IL1RAPL1: variants seen among roughly 807,000 people sequenced by gnomAD.
IL1RAPL1 encodes the protein interleukin-1 receptor accessory protein-like 1.
A neutral mutation model predicts 48.4 loss-of-function variants in IL1RAPL1; 3 were observed. The ratio of observed to expected loss-of-function variants is 0.06; its 90% confidence interval spans 0.03 to 0.16. IL1RAPL1 has a LOEUF of 0.16. IL1RAPL1 is among the 10% of genes least tolerant of loss of function. The pLI is 1.00. For missense variants in IL1RAPL1, 349 were observed against 530.6 expected, an observed-to-expected ratio of 0.66 and a Z score of 3.36; for synonymous variants, 185 against 187.7, an observed-to-expected ratio of 0.99 and a Z score of 0.12.
At chrX:29,613,518 A>G (rs759214539) in intron 5 of IL1RAPL1, among the ~76,000 whole-genome samples, 4 of 111,177 alleles carry the variant, frequency 3.6e-5, no homozygotes, top group Non-Finnish European at 5.7e-5. Flanking sequence ...AAGCTCCTTA[A>G]TGTCTTAATT....
At chrX:29,913,890 A>G (rs763399000) in intron 6 of IL1RAPL1, among the ~76,000 whole-genome samples, 35 of 91,432 alleles carry the variant, frequency 3.8e-4, no homozygotes, top group African/African-American at 1.4e-3. Flanking sequence ...TCTTCCCTCT[A>G]CTTGCCCCTC....
chrX:28,694,026 C>A (rs1341763015), intron 1 of IL1RAPL1, among the ~76,000 whole-genome samples: 1 of 111,778 alleles, frequency 8.9e-6, no homozygotes, highest in Non-Finnish European at 1.9e-5. Flanking sequence ...TGCCCAGTTA[C>A]ACTTGTCGAA....
intron 5 of IL1RAPL1, among the ~76,000 whole-genome samples, chrX:29,434,245 A>G (rs1194411982): frequency 9.1e-6 from 1 of 110,342 alleles, no homozygotes; most frequent in Non-Finnish European, 1.9e-5. Context: ...CTTCTGCTCT[A>G]TAGACTTTGA....
intron 2 of IL1RAPL1, among the ~76,000 whole-genome samples, chrX:28,862,721 A>G (rs764398413): frequency 1.8e-4 from 20 of 112,151 alleles, no homozygotes; most frequent in African/African-American, 6.5e-4. Context: ...TGTTTTGTAC[A>G]TTTCAGTGTC....
intron 5 of IL1RAPL1, among the ~76,000 whole-genome samples, chrX:29,482,650 A>T (rs1292774322): frequency 8.9e-6 from 1 of 112,337 alleles, no homozygotes; most frequent in East Asian, 2.8e-4. Context: ...ATAGAATTTC[A>T]TTTTGTGGAT....
intron 2 of IL1RAPL1, among the ~76,000 whole-genome samples, chrX:28,886,087 T>C (rs774402094): frequency 1.8e-5 from 2 of 110,542 alleles, no homozygotes; most frequent in Non-Finnish European, 3.8e-5. Context: ...CTGCCTAAAA[T>C]ACAGGAAATG....
Position 29,679,074 on chromosome X carries a change from G to T in IL1RAPL1, c.778+10570G>T, listed in dbSNP as rs1926373361. ...TATAGAATGGCGGCTCTTTGAGTAG[G>T]AAAAAAGCAAAGCAGAATGCATTGC... On this transcript the variant is annotated intron_variant, in intron 6 of 10. Transcript: ENST00000378993. Among the ~76,000 whole-genome samples, 2 of 111,258 alleles carry T rather than the reference G, an allele frequency of 1.8e-5. 1 individual carries two copies. The highest frequency in any genetic ancestry group is 7.6e-4 in the South Asian group (2 of 2,649).
chrX:28,938,491 C>T (rs1007583040), intron 2 of IL1RAPL1, among the ~76,000 whole-genome samples: 1 of 111,122 alleles, frequency 9.0e-6, no homozygotes, highest in Non-Finnish European at 1.9e-5. Context: ...GAAACTGGAC[C>T]CCCTCCTTAT....
At chrX:29,789,869 C>A (rs563606225) in intron 6 of IL1RAPL1, among the ~76,000 whole-genome samples, 71 of 107,464 alleles carry the variant, frequency 6.6e-4, no homozygotes, top group African/African-American at 2.3e-3. Flanking sequence ...GAAAACATAC[C>A]ATTAAGCATT....
intron 1 of IL1RAPL1, among the ~76,000 whole-genome samples, chrX:28,610,373 T>C (rs752262231): frequency 8.9e-6 from 1 of 111,911 alleles, no homozygotes; most frequent in East Asian, 2.8e-4. Flanking sequence ...TCCAGCATCT[T>C]GTTGCTGGTG....
chrX:28,645,421 G>A (rs1934597689), intron 1 of IL1RAPL1, among the ~76,000 whole-genome samples: 1 of 107,669 alleles, frequency 9.3e-6, no homozygotes, highest in Non-Finnish European at 1.9e-5. Context: ...CTATTCAGAG[G>A]TGATTGCAAA....
rs1209250453 is a variant in IL1RAPL1 at position 29,529,846 on chromosome X, GC to G, written c.703+130539del. Among the ~76,000 whole-genome samples the G allele has an allele frequency of 3.6e-5, 4 of 111,441 alleles. No individual in the cohort carries two copies. In the East Asian group the frequency reaches 8.4e-4, roughly 23 times the overall value. ...GAGAAAGGGAAGAGAGAATGATAAA[GC>G]AAATGTGGCAGAATTTTGAAGATTG... On this transcript the variant is annotated intron_variant, in intron 5 of 10. Coordinates refer to ENST00000378993, the MANE Select transcript of IL1RAPL1 (RefSeq NM_014271.4).
chrX:29,486,309 C>T (rs1305413552), intron 5 of IL1RAPL1, among the ~76,000 whole-genome samples: 1 of 110,045 alleles, frequency 9.1e-6, no homozygotes, highest in Non-Finnish European at 1.9e-5. Context: ...CTGTGGGCTC[C>T]TCAGTGTTAA....
intron 3 of IL1RAPL1, among the ~76,000 whole-genome samples, chrX:29,367,474 T>C (rs190538030): frequency 2.1e-4 from 24 of 112,089 alleles, no homozygotes; most frequent in African/African-American, 5.5e-4. Context: ...ACAAAGTGTC[T>C]AATGCCTCTG....
intron 2 of IL1RAPL1, among the ~76,000 whole-genome samples, chrX:28,966,175 A>T (rs779295900): frequency 8.9e-6 from 1 of 112,288 alleles, no homozygotes; most frequent in East Asian, 2.8e-4. Context: ...TTTAGCATTT[A>T]TAATTGCCAA....
chrX:29,437,882 C>G (rs897256969), intron 5 of IL1RAPL1, among the ~76,000 whole-genome samples: 1 of 110,556 alleles, frequency 9.0e-6, no homozygotes, highest in Non-Finnish European at 1.9e-5. Flanking sequence ...CAGATTAATA[C>G]TAGCTTCATA....
Position 28,990,029 on chromosome X carries a change from A to AT in IL1RAPL1, c.82+200613dup, listed in dbSNP as rs777562348. ...ATTTTAACAACAGATGTATTTTCTG[A>AT]TTTTTTTTTATGTTCTGAATTTTAA... On this transcript the variant is annotated intron_variant, in intron 2 of 10. Transcript: ENST00000378993. Among the ~76,000 whole-genome samples, 89 of 110,455 alleles carry AT rather than the reference A, an allele frequency of 8.1e-4. 1 individual carries two copies. In the South Asian group the frequency reaches 0.025, roughly 31 times the overall value.
chrX:28,867,202 T>A (rs1275713976), intron 2 of IL1RAPL1, among the ~76,000 whole-genome samples: 4 of 112,016 alleles, frequency 3.6e-5, no homozygotes, highest in Non-Finnish European at 7.5e-5. Flanking sequence ...CTAATTTCTA[T>A]CCATCTTTGC....
At chrX:29,282,427 C>T (rs1052113929) in intron 2 of IL1RAPL1, among the ~76,000 whole-genome samples, 12 of 112,189 alleles carry the variant, frequency 1.1e-4, no homozygotes, top group Admixed American at 8.5e-4. Flanking sequence ...TGGGAAACAT[C>T]GCCAAGCTGC....
Sources: allele counts gnomAD v4.1 joint callset (sites outside exome capture counted in the v4.1 genomes callset), GRCh38; gene constraint gnomAD v4.1.1; transcripts MANE v1.5; gene names NCBI Gene and HGNC (gene_info 2026-07-23, HGNC 2026-07-21).